Variants in LRRTM4 observed in about 807,000 individuals in gnomAD.
LRRTM4 encodes leucine-rich repeat transmembrane neuronal protein 4.
A neutral mutation model predicts 47.6 loss-of-function variants in LRRTM4; 25 were observed. That is an observed-to-expected ratio of 0.53 (90% CI 0.38 to 0.73). The LOEUF is 0.73. Among genes scored for constraint, LRRTM4 ranks in the 30% least tolerant of loss-of-function variants. The probability of loss-of-function intolerance (pLI) is 0.00; values close to 1 mark genes in which losing one functional copy is unlikely to be tolerated. For missense variants in LRRTM4, 638 were observed against 713.4 expected (o/e 0.89, Z 1.20); for synonymous variants, 311 against 269.5 (o/e 1.15, Z -1.51).
rs186591498 is a variant in LRRTM4, at chr2:76,795,110, C to T, written c.1552-46194G>A. ...ACGGCAGATATGACATGCTCAATAC[C>T]GAGAGATTTACTAACAATAATATTA... On this transcript the variant is annotated intron_variant, in intron 3 of 3. Coordinates refer to ENST00000409884, the MANE Select transcript of LRRTM4 (RefSeq NM_001134745.3). Among the ~76,000 whole-genome samples the T allele has an allele frequency of 3.9e-3, 589 of 151,612 alleles. 2 individuals carry two copies. Among genetic ancestry groups the T allele is most frequent in the Non-Finnish European group, 6.3e-3 (425 of 67,894 alleles).
intron 3 of LRRTM4, among the ~76,000 whole-genome samples, chr2:77,285,610 C>A (rs1676634411): frequency 6.6e-6 from 1 of 151,516 alleles, no homozygotes; most frequent in South Asian, 2.1e-4. Flanking sequence ...GGCCTGCTGG[C>A]ACATATCTGT....
intron 3 of LRRTM4, among the ~76,000 whole-genome samples, chr2:77,313,208 C>T (rs1023452244): frequency 1.5e-4 from 22 of 151,462 alleles, no homozygotes; most frequent in African/African-American, 5.1e-4. Context: ...GGTGATGTGC[C>T]TCCCGATGTT....
intron 3 of LRRTM4, among the ~76,000 whole-genome samples, chr2:77,219,861 G>T (rs997299113): frequency 5.3e-5 from 8 of 152,060 alleles, no homozygotes; most frequent in Non-Finnish European, 8.8e-5. Flanking sequence ...GAGAGTAATG[G>T]TTCTCCCAGC....
intron 3 of LRRTM4, among the ~76,000 whole-genome samples, chr2:76,924,902 C>T (rs943316317): frequency 5.3e-5 from 8 of 152,092 alleles, no homozygotes; most frequent in African/African-American, 1.2e-4. Flanking sequence ...TACCTCTTCA[C>T]GGTAACTTTA....
At chr2:77,433,036 A>G (rs1675448017) in intron 3 of LRRTM4, among the ~76,000 whole-genome samples, 1 of 152,192 alleles carries the variant, frequency 6.6e-6, no homozygotes, top group Non-Finnish European at 1.5e-5. Context: ...CCTCTCTGAA[A>G]TGGGAGAAGG....
chr2:77,183,229 A>G (rs1193447283), intron 3 of LRRTM4, among the ~76,000 whole-genome samples: 1 of 152,130 alleles, frequency 6.6e-6, no homozygotes, highest in Non-Finnish European at 1.5e-5. Context: ...AACTCCAACA[A>G]ATTTACAACA....
chr2:77,207,864 G>T (rs1674182421), intron 3 of LRRTM4, among the ~76,000 whole-genome samples: 3 of 79,324 alleles, frequency 3.8e-5, no homozygotes, highest in Admixed American at 2.9e-4. Context: ...AAGGGAAAGT[G>T]GCTTTTTTTT....
At chr2:77,388,585 T>C (rs1673379052) in intron 3 of LRRTM4, among the ~76,000 whole-genome samples, 1 of 152,152 alleles carries the variant, frequency 6.6e-6, no homozygotes, top group African/African-American at 2.4e-5. Flanking sequence ...TTATGAAGTA[T>C]TTATTTTGAT....
At chr2:77,449,568 A>T (rs748200192) in intron 3 of LRRTM4, among the ~76,000 whole-genome samples, 7 of 152,062 alleles carry the variant, frequency 4.6e-5, no homozygotes, top group African/African-American at 1.2e-4. Flanking sequence ...AGTCTCTCTT[A>T]TTACTAAGGT....
intron 3 of LRRTM4, among the ~76,000 whole-genome samples, chr2:76,955,305 T>G (rs1264923276): frequency 6.6e-6 from 1 of 151,814 alleles, no homozygotes; most frequent in African/African-American, 2.4e-5. Context: ...TAAAAAAATG[T>G]GACTTGTGAC....
chr2:77,466,702 C>CTT (rs34276275), intron 3 of LRRTM4, among the ~76,000 whole-genome samples: 4 of 131,368 alleles, frequency 3.0e-5, no homozygotes, highest in South Asian at 2.4e-4. Context: ...ACTATGGCAA[C>CTT]TTTTTTTTTT....
intron 3 of LRRTM4, among the ~76,000 whole-genome samples, chr2:77,216,688 AAC>A (rs1674451280): frequency 1.3e-5 from 2 of 152,212 alleles, no homozygotes; most frequent in Non-Finnish European, 1.5e-5. Context: ...TAGAAAGGGT[AAC>A]ATGTGACATT....
intron 3 of LRRTM4, among the ~76,000 whole-genome samples, chr2:77,469,785 T>A (rs970303925): frequency 2.0e-5 from 3 of 152,016 alleles, no homozygotes; most frequent in African/African-American, 7.2e-5. Flanking sequence ...ATGCTTGGTA[T>A]TATAATTTAT....
intron 3 of LRRTM4, among the ~76,000 whole-genome samples, chr2:77,461,324 G>A (rs1489688387): frequency 6.6e-6 from 1 of 151,962 alleles, no homozygotes; most frequent in Non-Finnish European, 1.5e-5. Flanking sequence ...TCAAATGCAG[G>A]GAAATTTATT....
intron 3 of LRRTM4, among the ~76,000 whole-genome samples, chr2:77,116,940 C>T (rs1671404182): frequency 6.6e-6 from 1 of 151,976 alleles, no homozygotes; most frequent in African/African-American, 2.4e-5. Context: ...ACTGTTAATA[C>T]ACACACAGAC....
chr2:76,810,826 C>T (rs545794330), intron 3 of LRRTM4, among the ~76,000 whole-genome samples: 1 of 152,126 alleles, frequency 6.6e-6, no homozygotes, highest in Non-Finnish European at 1.5e-5. Context: ...AATGTGCTTT[C>T]TCAAGGAATT....
At chr2:77,281,738 G>C (rs1018140230) in intron 3 of LRRTM4, among the ~76,000 whole-genome samples, 1 of 151,808 alleles carries the variant, frequency 6.6e-6, no homozygotes, top group Non-Finnish European at 1.5e-5. Flanking sequence ...GAAAATGCAT[G>C]AGACAGAAGC....
chr2:76,795,241 CTTTAAAAATCATT>C (rs910732004), intron 3 of LRRTM4, among the ~76,000 whole-genome samples: 8 of 152,144 alleles, frequency 5.3e-5, no homozygotes, highest in Middle Eastern at 6.8e-3. Context: ...GTGTTTTGTA[CTTTAAAAATCATT>C]TTTAATTGAC....
chr2:76,780,962 T>C (rs1178738176), intron 3 of LRRTM4, among the ~76,000 whole-genome samples: 2 of 152,214 alleles, frequency 1.3e-5, no homozygotes, highest in Non-Finnish European at 2.9e-5. Context: ...TTCTGTTTGT[T>C]AGTTTTCCTT....
Sources: allele counts gnomAD v4.1 joint callset (sites outside exome capture counted in the v4.1 genomes callset), GRCh38; gene constraint gnomAD v4.1.1; transcripts MANE v1.5; gene names NCBI Gene and HGNC (gene_info 2026-07-23, HGNC 2026-07-21).